PDCD6: variants seen among roughly 807,000 people sequenced by gnomAD.
PDCD6 encodes the protein programmed cell death protein 6.
Under a neutral mutation model 28.3 loss-of-function variants are expected in PDCD6, and 12 were observed. The observed-to-expected ratio is 0.42, with a 90% CI of 0.27 to 0.69. The LOEUF is 0.69. PDCD6 is among the 30% of genes least tolerant of loss of function. The pLI is 0.22. For missense variants in PDCD6, 226 were observed against 269.9 expected (o/e 0.84, Z 1.14); for synonymous variants, 92 against 108.0 (o/e 0.85, Z 0.92).
chr5:289,278 A>G lies in PDCD6; in HGVS notation c.164-14899A>G, dbSNP rs1462309308. On this transcript the variant is annotated intron_variant, in intron 2 of 5. Coordinates refer to ENST00000264933, the MANE Select transcript of PDCD6 (RefSeq NM_013232.4). ...TTCCCTGAAATTCAGCAACAACTAC[A>G]TACAGGTGGGAGAAAAGCCCAATGT... 7.3e-6 allele frequency: 4 copies of G among 544,852 alleles called. No homozygotes were observed. The African/African-American group carries it at 7.5e-5, about 10-fold the overall frequency. The allele number at this position is 544,852 out of a possible 1,614,324, so 33.8% of individuals were successfully genotyped here.
At chr5:272,942 C>T (rs1737929730) in intron 2 of PDCD6, 170 bp downstream of exon 2, 1 of 1,275,678 alleles carries the variant, frequency 7.8e-7, no homozygotes, top group South Asian at 1.3e-5. Context: ...GTGGCTACCG[C>T]TGTTACTGCT....
In PDCD6 at chr5:283,362, G is replaced by A. The variant is rs4957012; in HGVS notation, c.163+10590G>A. Among the ~76,000 whole-genome samples, 942 of 144,576 alleles carry A rather than the reference G, an allele frequency of 6.5e-3. 31 individuals are homozygous for A. The highest frequency in any genetic ancestry group is 0.054 in the Admixed American group (788 of 14,656). 94.8% of individuals were successfully genotyped at this position (144,576 alleles called of 152,430 possible). A position where few individuals can be genotyped will look rare whatever the true frequency, so the allele number is the denominator to read the frequency against. On this transcript the variant is annotated intron_variant, in intron 2 of 5. Coordinates refer to ENST00000264933, the MANE Select transcript of PDCD6 (RefSeq NM_013232.4). ...TTGAGGATCATGGAGGTGAAAACCC[G>A]GAGAGGAGCTGATGTTCTAGTTTGA...
chr5:286,732 G>T (rs565160752), intron 2 of PDCD6, among the ~76,000 whole-genome samples: 1 of 151,266 alleles, frequency 6.6e-6, no homozygotes, highest in Non-Finnish European at 1.5e-5. Context: ...TTTGAGGGCC[G>T]TGCAGGTGGA....
intron 2 of PDCD6, chr5:289,702 T>G: frequency 1.1e-6 from 1 of 898,932 alleles, no homozygotes; most frequent in Admixed American, 1.7e-5. Flanking sequence ...ATTTTTCTCT[T>G]CATTTTGCTG....
Position 275,853 on chromosome 5 carries a change from A to T in PDCD6, c.163+3081A>T, listed in dbSNP as rs1163525103. 2.0e-5 allele frequency among the ~76,000 whole-genome samples: 3 copies of T among 152,114 alleles called. 1 individual carries two copies. In the South Asian group the frequency reaches 6.2e-4, roughly 32 times the overall value. ...TGTGTTCTGTGGTGGTTTGCTCCTC[A>T]CATGTGAGCATTCACCGTGGCCCTG... On this transcript the variant is annotated intron_variant, in intron 2 of 5. Transcript: ENST00000264933.
At chr5:300,933 A>G (rs1364952777) in intron 2 of PDCD6, among the ~76,000 whole-genome samples, 1 of 152,204 alleles carries the variant, frequency 6.6e-6, no homozygotes, top group East Asian at 1.9e-4. Flanking sequence ...GGAATGCACC[A>G]TCACGGCACA....
intron 2 of PDCD6, 145 bp downstream of exon 2, chr5:272,917 C>T (rs1335736048): frequency 7.3e-7 from 1 of 1,366,816 alleles, no homozygotes; most frequent in Non-Finnish European, 9.9e-7. Context: ...AGTGGAGATG[C>T]TTCTGGTTTA....
At chr5:290,291 T>C (rs1419698784) in intron 2 of PDCD6, 1 of 1,403,924 alleles carries the variant, frequency 7.1e-7, no homozygotes, top group East Asian at 2.3e-5. Context: ...TCAAAATCTT[T>C]CAGCGCCTCC....
At chr5:304,803 T>C (rs1740359370) in intron 3 of PDCD6, 1 of 152,062 alleles carries the variant, frequency 6.6e-6, no homozygotes, top group Non-Finnish European at 1.5e-5. Context: ...AATGTGAGGG[T>C]CTGCATCATT....
intron 5 of PDCD6, chr5:311,787 G>T: frequency 4.8e-6 from 1 of 208,420 alleles, no homozygotes; most frequent in Non-Finnish European, 9.5e-6. Context: ...TCTGCGTCCC[G>T]GGTTTAAGCA....
At chr5:282,664 G>C (rs1323421083) in intron 2 of PDCD6, among the ~76,000 whole-genome samples, 1 of 151,564 alleles carries the variant, frequency 6.6e-6, no homozygotes, top group African/African-American at 2.4e-5. Context: ...GGGAGTAGCT[G>C]ATGTTGTTTG....
At chr5:302,070 C>CTG (rs369323059) in intron 2 of PDCD6, among the ~76,000 whole-genome samples, 4,185 of 57,588 alleles carry the variant, frequency 0.073, 351 homozygotes, top group East Asian at 0.19. Context: ...GAGTGCTGCT[C>CTG]TGTGTGTGTG....
intron 2 of PDCD6, among the ~76,000 whole-genome samples, chr5:288,634 A>C (rs1051147512): frequency 1.4e-4 from 21 of 152,032 alleles, no homozygotes; most frequent in African/African-American, 4.8e-4. Flanking sequence ...GATCAGCGGT[A>C]AGGTAAACAG....
At chr5:278,944 T>G (rs1738388183) in intron 2 of PDCD6, among the ~76,000 whole-genome samples, 1 of 151,858 alleles carries the variant, frequency 6.6e-6, no homozygotes, top group South Asian at 2.1e-4. Flanking sequence ...GCCCCTCTCC[T>G]GTCTCACGGG....
chr5:272,940 C>G lies in PDCD6; in HGVS notation c.163+168C>G. ...TGCTTCTGGTTTATTTTGTGGCTAC[C>G]GCTGTTACTGCTTGGAGTGCCTCAC... On this transcript the variant is annotated intron_variant, in intron 2 of 5. Coordinates refer to ENST00000264933, the MANE Select transcript of PDCD6 (RefSeq NM_013232.4). 6.2e-6 allele frequency: 8 copies of G among 1,284,290 alleles called. 1 individual carries two copies. The highest frequency in any genetic ancestry group is 8.6e-6 in the Non-Finnish European group (8 of 934,914). 79.6% of individuals were successfully genotyped at this position (1,284,290 alleles called of 1,614,324 possible). A position where few individuals can be genotyped will look rare whatever the true frequency, so the allele number is the denominator to read the frequency against.
chr5:288,293 T>TA (rs1739105612), intron 2 of PDCD6, among the ~76,000 whole-genome samples: 4 of 79,832 alleles, frequency 5.0e-5, no homozygotes, highest in African/African-American at 2.2e-4. Flanking sequence ...ATATATATAT[T>TA]ATATATATAT....
At chr5:272,868 C>G in intron 2 of PDCD6, 96 bp downstream of exon 2, 1 of 1,493,808 alleles carries the variant, frequency 6.7e-7, no homozygotes, top group Non-Finnish European at 9.0e-7. Context: ...TTTCCAAGGA[C>G]AAAGGAATCA....
At chr5:302,084 G>C (rs113418492) in intron 2 of PDCD6, among the ~76,000 whole-genome samples, 1,849 of 115,462 alleles carry the variant, frequency 0.016, 70 homozygotes, top group African/African-American at 0.055. Flanking sequence ...GTGTGTGTGT[G>C]TGTGTGTGTG....
At position 271,795 on chromosome 5, in the gene PDCD6, G is replaced by A; in HGVS notation, c.75G>A (p.Gln25=). ...GPAAGAALPD[Q]SFLWNVFQRV... ...CTGCAGGCGCGGCGCTGCCGGACCAGAGCTTCCTGTGGAACGTTTTCCAGA... is the reference window on the plus strand; with the variant it reads ...CTGCAGGCGCGGCGCTGCCGGACCAAAGCTTCCTGTGGAACGTTTTCCAGA... The change falls in exon 1 of 6, where the codon CAG becomes CAA. Residue 25 remains glutamine, a synonymous_variant. Coordinates refer to ENST00000264933, the MANE Select transcript of PDCD6 (RefSeq NM_013232.4). 1 of 1,468,034 alleles carries A rather than the reference G, an allele frequency of 6.8e-7. No homozygotes were observed. The allele number at this position is 1,468,034 out of a possible 1,614,324, so 90.9% of individuals were successfully genotyped here.
Sources: gnomAD v4.1 joint callset for allele counts (sites outside exome capture counted in the v4.1 genomes callset) on GRCh38, gnomAD v4.1.1 for gene constraint, MANE v1.5 for transcripts, NCBI Gene and HGNC (gene_info 2026-07-23, HGNC 2026-07-21) for gene names.